SOX30: variants seen among roughly 807,000 people sequenced by gnomAD.
SOX30 encodes the protein transcription factor SOX-30.
Under a neutral mutation model 58.6 loss-of-function variants are expected in SOX30, and 17 were observed. The observed-to-expected ratio is 0.29, with a 90% CI of 0.20 to 0.44. The LOEUF (loss-of-function observed/expected upper bound fraction) is 0.44, where lower values mean the gene tolerates loss of function less well. Ranked by LOEUF, SOX30 falls within the 20% of genes least tolerant of loss-of-function variation. The pLI is 1.00. For synonymous variants in SOX30, 421 were observed against 400.2 expected, an observed-to-expected ratio of 1.05 and a Z score of -0.62; for missense variants, 951 against 965.8, an observed-to-expected ratio of 0.98 and a Z score of 0.20.
upstream of SOX30, among the ~76,000 whole-genome samples, chr5:157,652,927 T>C (rs536181786): frequency 6.6e-6 from 1 of 152,212 alleles, no homozygotes; most frequent in Non-Finnish European, 1.5e-5. Flanking sequence ...TCCTAAACTT[T>C]CCATGGCTCC....
intron 1 of SOX30, among the ~76,000 whole-genome samples, chr5:157,649,649 G>T (rs887906617): frequency 3.9e-5 from 6 of 152,068 alleles, no homozygotes; most frequent in Non-Finnish European, 8.8e-5. Flanking sequence ...AATTAGCCAG[G>T]CGTGGTTGCT....
chr5:157,628,557 T>C (rs1024810102), intron 4 of SOX30, among the ~76,000 whole-genome samples: 2 of 152,088 alleles, frequency 1.3e-5, no homozygotes, highest in African/African-American at 4.8e-5. Context: ...GTAAAGTTTC[T>C]AAAATTTTTC....
chr5:157,641,576 G>A (rs1759063042), intron 3 of SOX30, among the ~76,000 whole-genome samples: 1 of 152,122 alleles, frequency 6.6e-6, no homozygotes, highest in Non-Finnish European at 1.5e-5. Flanking sequence ...TCATGCCACT[G>A]CACTCCAACC....
chr5:157,658,393 C>G (rs1759519057), intron 2 of SOX30, among the ~76,000 whole-genome samples: 1 of 152,170 alleles, frequency 6.6e-6, no homozygotes, highest in Admixed American at 6.6e-5. Context: ...TTTGTTTCTG[C>G]AATTTAGGCT....
intron 1 of SOX30, among the ~76,000 whole-genome samples, chr5:157,649,639 A>T (rs1269414963): frequency 6.6e-6 from 1 of 151,996 alleles, no homozygotes; most frequent in Admixed American, 6.6e-5. Context: ...AAAATACAAA[A>T]ATTAGCCAGG....
Position 157,646,626 on chromosome 5 carries a change from A to T in SOX30, c.1387+11T>A, listed in dbSNP as rs567180301. On this transcript the variant is annotated intron_variant, in intron 3 of 4. Coordinates refer to ENST00000265007, the MANE Select transcript of SOX30 (RefSeq NM_178424.2). The stretch of plus-strand genomic sequence containing the variant: ...TTTAAAAAATAGTAATCTACAATAA[A>T]ACTAACTCACCAACTGGATGAGTGA... The T allele has an allele frequency of 2.5e-6, 4 of 1,585,176 alleles. No homozygotes were observed. The highest frequency in any genetic ancestry group is 4.5e-5 in the East Asian group (2 of 44,268).
At chr5:157,643,258 A>G (rs1759113499) in intron 3 of SOX30, among the ~76,000 whole-genome samples, 1 of 152,030 alleles carries the variant, frequency 6.6e-6, no homozygotes, top group Admixed American at 6.6e-5. Context: ...AAACCCTACT[A>G]AAACTACAAA....
In SOX30 at chr5:157,651,857, C is replaced by A; in HGVS notation, c.222G>T (p.Lys74Asn). The change falls in exon 1 of 5, where the codon AAG becomes AAT. Residue 74 changes from lysine to asparagine, a missense_variant. Physicochemically the swap from Lys to Asn is moderately conservative, Grantham distance 94. Transcript: ENST00000265007. ...GTGGTAGCAGCAACACCTGCTCTGGCTTCACCTGCAGCAGCCGCCGCACCG... is the reference window on the plus strand; with the variant it reads ...GTGGTAGCAGCAACACCTGCTCTGGATTCACCTGCAGCAGCCGCCGCACCG... The part of the protein sequence containing the change: ...QPAVRRLLQV[K>N]PEQVLLLPQP... The A allele has an allele frequency of 6.4e-7, 1 of 1,574,226 alleles. No individual in the cohort carries two copies. The highest frequency in any genetic ancestry group is 8.6e-7 in the Non-Finnish European group (1 of 1,164,608).
chr5:157,642,086 C>T lies in SOX30; in HGVS notation c.1388-3364G>A, dbSNP rs1004250741. On this transcript the variant is annotated intron_variant, in intron 3 of 4. Transcript: ENST00000265007. Reference sequence around the variant, plus strand: ...ATCCCTGCACTTCGGGAGGCTGAGACGGGCAGATTACTTGAGTCCAGGAGT... The same window carrying T: ...ATCCCTGCACTTCGGGAGGCTGAGATGGGCAGATTACTTGAGTCCAGGAGT... Among the ~76,000 whole-genome samples the T allele has an allele frequency of 5.9e-5, 9 of 152,102 alleles. No homozygotes were observed. The South Asian group carries it at 8.3e-4, about 14-fold the overall frequency.
At chr5:157,670,505 T>C (rs1759758843) in intron 1 of SOX30, among the ~76,000 whole-genome samples, 1 of 152,112 alleles carries the variant, frequency 6.6e-6, no homozygotes, top group Non-Finnish European at 1.5e-5. Context: ...TTGCTTTGGA[T>C]AGGGAAGTTA....
At chr5:157,669,450 G>C (rs188296928) in intron 1 of SOX30, among the ~76,000 whole-genome samples, 5 of 152,214 alleles carry the variant, frequency 3.3e-5, no homozygotes. Flanking sequence ...CTCCCAAAGA[G>C]TTGGGATTAT....
intron 2 of SOX30, chr5:157,667,783 C>T: frequency 2.6e-6 from 4 of 1,535,056 alleles, no homozygotes; most frequent in Non-Finnish European, 2.6e-6. Context: ...CACACACACA[C>T]ACACACATAC....
intron 4 of SOX30, among the ~76,000 whole-genome samples, chr5:157,636,496 C>A (rs75419026): frequency 6.6e-6 from 1 of 152,040 alleles, no homozygotes; most frequent in Non-Finnish European, 1.5e-5. Context: ...AGGTTTGATC[C>A]CTTGAACTAA....
rs1759257059 is a variant in SOX30, at chr5:157,648,817, C to T, written c.1047G>A (p.Arg349=). The change falls in exon 2 of 5, where the codon AGG becomes AGA. Residue 349 remains arginine, a synonymous_variant. Coordinates refer to ENST00000265007, the MANE Select transcript of SOX30 (RefSeq NM_178424.2). The part of the protein sequence containing the change: ...RPMNAFMVWA[R]IHRPALAKAN... ...CTTTGGCTAGTGCTGGTCGGTGGAT[C>T]CTTGCCCAAACCATAAATGCGTTCA... is the stretch of plus-strand genomic sequence containing the variant. 3.1e-6 allele frequency: 5 copies of T among 1,612,646 alleles called. No individual in the cohort carries two copies. The highest frequency in any genetic ancestry group is 4.2e-6 in the Non-Finnish European group (5 of 1,179,834).
intron 2 of SOX30, among the ~76,000 whole-genome samples, chr5:157,664,911 C>T (rs1759643133): frequency 6.6e-6 from 1 of 152,168 alleles, no homozygotes; most frequent in Non-Finnish European, 1.5e-5. Context: ...CCGTCTCACA[C>T]CAGTTAGAAT....
At chr5:157,663,337 G>A (rs1002015548) in intron 2 of SOX30, among the ~76,000 whole-genome samples, 38 of 152,086 alleles carry the variant, frequency 2.5e-4, no homozygotes, top group African/African-American at 7.7e-4. Context: ...TATAAACAGA[G>A]CCAAAGACAA....
At chr5:157,650,461 T>C (rs1472529564) in intron 1 of SOX30, among the ~76,000 whole-genome samples, 2 of 152,162 alleles carry the variant, frequency 1.3e-5, no homozygotes, top group African/African-American at 2.4e-5. Context: ...TATCTGGAAA[T>C]ACTGAATAGA....
At chr5:157,630,096 A>G (rs373068910) in intron 4 of SOX30, among the ~76,000 whole-genome samples, 6 of 152,222 alleles carry the variant, frequency 3.9e-5, no homozygotes, top group East Asian at 1.9e-4. Context: ...GGTAAGTCTT[A>G]TAAGAAGTTA....
intron 4 of SOX30, among the ~76,000 whole-genome samples, chr5:157,634,082 T>C (rs1407016246): frequency 6.6e-6 from 1 of 152,216 alleles, no homozygotes; most frequent in Non-Finnish European, 1.5e-5. Flanking sequence ...AATAAGATGT[T>C]AGCCCCAGAG....
Sources: allele counts gnomAD v4.1 joint callset (sites outside exome capture counted in the v4.1 genomes callset), GRCh38; gene constraint gnomAD v4.1.1; transcripts MANE v1.5; gene names NCBI Gene and HGNC (gene_info 2026-07-23, HGNC 2026-07-21).